ERICH6: variants seen among roughly 807,000 people sequenced by gnomAD.
ERICH6 encodes the protein glutamate-rich protein 6.
ERICH6 carries 71 observed loss-of-function variants against 71.0 expected under a neutral mutation model. The observed-to-expected ratio is 1.00, with a 90% confidence interval of 0.83 to 1.22. The LOEUF (loss-of-function observed/expected upper bound fraction) is 1.22, where lower values mean the gene tolerates loss of function less well. Among genes scored for constraint, ERICH6 ranks in the 50% most tolerant of loss-of-function variants. The pLI is 0.00. For synonymous variants in ERICH6, 262 were observed against 278.4 expected (o/e 0.94, Z 0.59); for missense variants, 808 against 797.2 (o/e 1.01, Z -0.16).
chr3:150,660,017 C>T lies in ERICH6; in HGVS notation c.1867G>A (p.Glu623Lys). Residue 623 changes from glutamate (E) to lysine (K), a missense_variant, in exon 14 of 14, where the codon GAA (glutamate) becomes AAA (lysine). By Grantham distance (56) the Glu-to-Lys change is moderately conservative. Coordinates refer to ENST00000295910, the MANE Select transcript of ERICH6 (RefSeq NM_152394.5). ...CVNFPSSQVW[E>K]KLKQPSYLSS... ...AGGTAGGAAGGTTGCTTTAATTTTT[C>T]CCAAACCTGGCTTGAGGGAAAATTC... 6.2e-7 allele frequency: 1 copy of T among 1,614,102 alleles called. No individual in the cohort carries two copies. Among genetic ancestry groups the T allele is most frequent in the African/African-American group, 1.3e-5 (1 of 75,010 alleles).
chr3:150,667,357 C>A (rs1028303449), intron 12 of ERICH6, among the ~76,000 whole-genome samples: 1 of 152,124 alleles, frequency 6.6e-6, no homozygotes, highest in East Asian at 1.9e-4. Flanking sequence ...GGAGGAAAGA[C>A]CAGTGCTTAG....
At chr3:150,670,928 C>T (rs1711499450) in intron 11 of ERICH6, among the ~76,000 whole-genome samples, 1 of 152,102 alleles carries the variant, frequency 6.6e-6, no homozygotes, top group Non-Finnish European at 1.5e-5. Context: ...GGAATAAAGT[C>T]AGGGCATGAA....
chr3:150,688,759 G>A (rs1329634671), intron 3 of ERICH6, among the ~76,000 whole-genome samples: 1 of 152,168 alleles, frequency 6.6e-6, no homozygotes, highest in Non-Finnish European at 1.5e-5. Context: ...CCGGCTTTGA[G>A]TTGTCCCGCC....
intron 3 of ERICH6, among the ~76,000 whole-genome samples, chr3:150,693,082 T>C (rs998894570): frequency 1.3e-5 from 2 of 152,236 alleles, no homozygotes; most frequent in Non-Finnish European, 2.9e-5. Flanking sequence ...ACTTTTAAGC[T>C]ATTTACAGCT....
At chr3:150,681,807 C>CTTTTTTT (rs34909258) in intron 7 of ERICH6, among the ~76,000 whole-genome samples, 20 of 70,280 alleles carry the variant, frequency 2.8e-4, no homozygotes, top group East Asian at 5.4e-4. Flanking sequence ...ACACATAACT[C>CTTTTTTT]TTTTTTTTTT....
chr3:150,668,637 G>C (rs1015158293), intron 12 of ERICH6, among the ~76,000 whole-genome samples: 1 of 152,294 alleles, frequency 6.6e-6, no homozygotes, highest in Non-Finnish European at 1.5e-5. Flanking sequence ...AGAGGTTCCC[G>C]AGATGAGATT....
At chr3:150,668,201 A>T (rs549235323) in intron 12 of ERICH6, among the ~76,000 whole-genome samples, 116 of 152,344 alleles carry the variant, frequency 7.6e-4, no homozygotes, top group Non-Finnish European at 1.5e-3. Flanking sequence ...TTTAGTAAAC[A>T]TTCTTTGAGT....
intron 3 of ERICH6, among the ~76,000 whole-genome samples, chr3:150,690,958 G>T (rs905411748): frequency 6.6e-6 from 1 of 152,166 alleles, no homozygotes; most frequent in African/African-American, 2.4e-5. Context: ...AGGCAGTGAG[G>T]TTTGTTTTGG....
rs762564549 is a variant in ERICH6 at position 150,698,800 on chromosome 3, CT to C, written c.543del (p.Val182CysfsTer21). The C allele has an allele frequency of 1.2e-6, 2 of 1,613,556 alleles. No homozygotes were observed. The highest frequency in any genetic ancestry group is 8.5e-7 in the Non-Finnish European group (1 of 1,179,604). On this transcript the variant is annotated frameshift_variant, in exon 3 of 14. Coordinates refer to ENST00000295910, the MANE Select transcript of ERICH6 (RefSeq NM_152394.5). LOFTEE classifies it high-confidence loss of function. ...EESWLQDLSD[K>X]VQSRKKASKE... ...AAATCAAACTACTCACTCGATTGCA[CT>C]TTATCAGACAAATCTTGGAGCCAAC...
At chr3:150,688,315 G>A (rs1365376565) in intron 3 of ERICH6, among the ~76,000 whole-genome samples, 1 of 151,994 alleles carries the variant, frequency 6.6e-6, no homozygotes, top group Admixed American at 6.6e-5. Flanking sequence ...TTATAGGGAA[G>A]AGCTCAAAAA....
intron 3 of ERICH6, among the ~76,000 whole-genome samples, chr3:150,695,666 C>T (rs1712630686): frequency 1.3e-5 from 2 of 151,408 alleles, no homozygotes; most frequent in Admixed American, 1.3e-4. Context: ...GACTTCGTCT[C>T]AAAAAGAGAA....
intron 10 of ERICH6, among the ~76,000 whole-genome samples, chr3:150,675,111 C>A (rs1172708650): frequency 2.0e-5 from 3 of 152,050 alleles, no homozygotes; most frequent in Admixed American, 1.3e-4. Context: ...CCAGCCTGGG[C>A]AACAGAGCAA....
At chr3:150,692,019 A>C (rs1712458391) in intron 3 of ERICH6, among the ~76,000 whole-genome samples, 1 of 152,192 alleles carries the variant, frequency 6.6e-6, no homozygotes, top group Non-Finnish European at 1.5e-5. Context: ...ATTTTGAGGG[A>C]TAAAAAAAGT....
Position 150,666,935 on chromosome 3 carries a change from A to G in ERICH6, c.1580T>C (p.Ile527Thr), listed in dbSNP as rs1441723913. Reference protein sequence around the residue: ...RIRAWNWSNSITSSPFVSFKP... With the variant: ...RIRAWNWSNSTTSSPFVSFKP... ...AAATGAAACAAAGGGTGAGGAAGTG[A>G]TGGAATTTGACCAATTCCAAGCCCT... Residue 527 changes from isoleucine (I) to threonine (T), a missense_variant, in exon 13 of 14, where the codon ATC (isoleucine) becomes ACC (threonine). This residue lies in a region of ERICH6 where 736 missense variants were observed against 712.2 expected (regional missense o/e 1.03). Coordinates refer to ENST00000295910, the MANE Select transcript of ERICH6 (RefSeq NM_152394.5). 6.2e-7 allele frequency: 1 copy of G among 1,614,166 alleles called. No individual in the cohort carries two copies. The highest frequency in any genetic ancestry group is 8.5e-7 in the Non-Finnish European group (1 of 1,180,032).
At chr3:150,702,444 T>C (rs970474914) in intron 1 of ERICH6, among the ~76,000 whole-genome samples, 7 of 152,030 alleles carry the variant, frequency 4.6e-5, no homozygotes, top group Non-Finnish European at 1.0e-4. Flanking sequence ...GCCCGGCTAA[T>C]TTTTTGTATT....
intron 13 of ERICH6, among the ~76,000 whole-genome samples, chr3:150,664,070 A>T (rs1430438986): frequency 1.3e-5 from 2 of 152,154 alleles, no homozygotes; most frequent in Non-Finnish European, 2.9e-5. Flanking sequence ...TAATCAGGCC[A>T]GAAAAATGAG....
rs1316128951 is a variant in ERICH6, at chr3:150,680,514, T to C, written c.1065A>G (p.Arg355=). 16 of 1,614,158 alleles carry C rather than the reference T, an allele frequency of 9.9e-6. No individual in the cohort carries two copies. The highest frequency in any genetic ancestry group is 1.4e-5 in the Non-Finnish European group (16 of 1,180,000). Residue 355 remains arginine, a synonymous_variant, in exon 9 of 14, where the codon AGA becomes AGG. Coordinates refer to ENST00000295910, the MANE Select transcript of ERICH6 (RefSeq NM_152394.5). ...GTTCCCTTGATATTATTGCAAAATG[T>C]CTGGCCATTCGTTGCTCCTGTTTCC... ...LQRKQEQRMA[R]HFAIISREQT...
chr3:150,700,555 A>T (rs1559922636), intron 2 of ERICH6, among the ~76,000 whole-genome samples: 1 of 151,778 alleles, frequency 6.6e-6, no homozygotes, highest in Non-Finnish European at 1.5e-5. Flanking sequence ...AGAACAACAG[A>T]GAGTCAAAAA....
At chr3:150,686,199 C>T in intron 4 of ERICH6, 99 bp downstream of exon 4, 1 of 1,405,636 alleles carries the variant, frequency 7.1e-7, no homozygotes, top group Non-Finnish European at 1.0e-6. Flanking sequence ...TTAGGTGAGT[C>T]CTTTTTCAAA....
Sources: gnomAD v4.1 joint callset for allele counts (sites outside exome capture counted in the v4.1 genomes callset) on GRCh38, gnomAD v4.1.1 for gene constraint, gnomAD v4.1.1 regional missense constraint, MANE v1.5 for transcripts, NCBI Gene and HGNC (gene_info 2026-07-23, HGNC 2026-07-21) for gene names.